The following RPL5 variants were observed in gnomAD, a reference collection of about 807,000 sequenced individuals.
The protein encoded by RPL5 is large ribosomal subunit protein uL18.
RPL5 carries 1 observed loss-of-function variant against 38.4 expected under a neutral mutation model. The ratio of observed to expected loss-of-function variants is 0.03; its 90% CI spans 0.01 to 0.12. RPL5 has a LOEUF of 0.12. Ranked by LOEUF, RPL5 falls within the 10% of genes least tolerant of loss-of-function variation. The probability of loss-of-function intolerance (pLI) is 1.00; values close to 1 mark genes in which losing one functional copy is unlikely to be tolerated. For synonymous variants in RPL5, 109 were observed against 121.2 expected, an observed-to-expected ratio of 0.90 and a Z score of 0.66; for missense variants, 243 against 374.1, an observed-to-expected ratio of 0.65 and a Z score of 2.89.
chr1:92,833,088 A>T, intron 1 of RPL5: 1 of 709,000 alleles, frequency 1.4e-6, no homozygotes, highest in Admixed American at 2.0e-5. Flanking sequence ...TGAAAGCAAT[A>T]TAACAATAAT....
In RPL5 at chr1:92,832,078, T is replaced by C. The variant is rs758851102; in HGVS notation, c.-37T>C. The C allele has an allele frequency of 3.1e-6, 5 of 1,613,822 alleles. No individual in the cohort carries two copies. In the Admixed American group the frequency reaches 8.3e-5, roughly 27 times the overall value. On this transcript the variant is annotated 5_prime_UTR_variant, in exon 1 of 8. Coordinates refer to ENST00000370321, the MANE Select transcript of RPL5 (RefSeq NM_000969.5). Reference sequence around the variant, plus strand: ...CCTAGCGCCGCTGGGCCTGCAGGTCTCTGTCGAGCAGCGGACGCCGGTCTC... The same window carrying C: ...CCTAGCGCCGCTGGGCCTGCAGGTCCCTGTCGAGCAGCGGACGCCGGTCTC...
intron 1 of RPL5, chr1:92,832,721 C>T (rs1185478234): frequency 1.5e-5 from 6 of 413,316 alleles, no homozygotes; most frequent in African/African-American, 6.1e-5. Context: ...TAGAGTCCGT[C>T]GCCGGATGAG....
At chr1:92,833,300 C>T in intron 1 of RPL5, 89 bp from the exon 2 acceptor site, 2 of 1,070,228 alleles carry the variant, frequency 1.9e-6, no homozygotes, top group Non-Finnish European at 2.9e-6. Flanking sequence ...TCTTGAAGTT[C>T]AAGTGTTACT....
In RPL5 at chr1:92,832,624, A is replaced by C. The variant is rs867346697; in HGVS notation, c.3+507A>C. Reference sequence around the variant, plus strand: ...GGCTGAGCAAGTGGCTTTTAAGCCAAAATTGTCAGTGGAGCTTGGAGGCCG... The same window carrying C: ...GGCTGAGCAAGTGGCTTTTAAGCCACAATTGTCAGTGGAGCTTGGAGGCCG... On this transcript the variant is annotated intron_variant, in intron 1 of 7. Transcript: ENST00000370321. The C allele has an allele frequency of 3.0e-5, 9 of 304,174 alleles. No homozygotes were observed. In the South Asian group the frequency reaches 3.3e-4, roughly 11 times the overall value. The allele number at this position is 304,174 out of a possible 1,614,324, so 18.8% of individuals were successfully genotyped here. A position where few individuals can be genotyped will look rare whatever the true frequency, so the allele number is the denominator to read the frequency against.
At chr1:92,832,813 G>A in intron 1 of RPL5, 1 of 582,242 alleles carries the variant, frequency 1.7e-6, no homozygotes, top group South Asian at 2.2e-5. Flanking sequence ...TTTAGTGGGG[G>A]AATTACTGCT....
rs1687050092 is a variant in RPL5, at chr1:92,834,774, T to C, written c.190-5T>C. ...ATTACTAACCTAGTTTCTCTCTTACTATAGATTGCTTATGCCCGTATAGAG... is the reference window on the plus strand; with the variant it reads ...ATTACTAACCTAGTTTCTCTCTTACCATAGATTGCTTATGCCCGTATAGAG... On this transcript the variant is annotated splice_region_variant and splice_polypyrimidine_tract_variant and intron_variant, in intron 3 of 7. Coordinates refer to ENST00000370321, the MANE Select transcript of RPL5 (RefSeq NM_000969.5). The C allele has an allele frequency of 6.2e-7, 1 of 1,612,864 alleles. No individual in the cohort carries two copies. Among genetic ancestry groups the C allele is most frequent in the Non-Finnish European group, 8.5e-7 (1 of 1,179,860 alleles).
rs1686992138 is a variant in RPL5, at chr1:92,833,436, A to G, written c.51A>G (p.Gln17=). 6.2e-7 allele frequency: 1 copy of G among 1,614,100 alleles called. No individual in the cohort carries two copies. Among genetic ancestry groups the G allele is most frequent in the East Asian group, 2.2e-5 (1 of 44,866 alleles). Residue 17 remains glutamine, a synonymous_variant, in exon 2 of 8, where the codon CAA becomes CAG. Coordinates refer to ENST00000370321, the MANE Select transcript of RPL5 (RefSeq NM_000969.5). Reference sequence around the variant, plus strand: ...ATAAGGCCTACTTTAAGAGATACCAAGTGAAATTTAGAAGACGACGAGGTA... The same window carrying G: ...ATAAGGCCTACTTTAAGAGATACCAGGTGAAATTTAGAAGACGACGAGGTA... ...VKNKAYFKRY[Q]VKFRRRREGK... is the part of the protein sequence containing the mutation.
chr1:92,837,755 T>G, intron 6 of RPL5, 122 bp downstream of exon 6: 1 of 782,378 alleles, frequency 1.3e-6, no homozygotes, highest in African/African-American at 1.7e-5. Context: ...GCTAGACTTG[T>G]CAACATTCTT....
chr1:92,838,493 C>T (rs1687210196), intron 6 of RPL5, among the ~76,000 whole-genome samples: 1 of 152,206 alleles, frequency 6.6e-6, no homozygotes, highest in Admixed American at 6.5e-5. Context: ...CCAGTTTGTG[C>T]TTTCAGATGT....
At chr1:92,841,707 TTAAA>T (rs1209169713) in intron 7 of RPL5, 55 bp from the exon 8 acceptor site, 1 of 1,050,776 alleles carries the variant, frequency 9.5e-7, no homozygotes, top group Non-Finnish European at 1.3e-6. Flanking sequence ...AAATTTTAAA[TTAAA>T]TATTCTATTC....
chr1:92,833,397 T>A lies in RPL5; in HGVS notation c.12T>A (p.Val4=). Residue 4 remains valine (V), a synonymous_variant, in exon 2 of 8, where the codon GTT becomes GTA. Coordinates refer to ENST00000370321, the MANE Select transcript of RPL5 (RefSeq NM_000969.5). ...ATTCTTTTTTCTTTAAGGGGTTTGT[T>A]AAAGTTGTTAAGAATAAGGCCTACT... is the stretch of plus-strand genomic sequence containing the variant. MGF[V]KVVKNKAYFK... is the part of the protein sequence containing the mutation. 3 of 1,612,726 alleles carry A rather than the reference T, an allele frequency of 1.9e-6. No individual in the cohort carries two copies. The highest frequency in any genetic ancestry group is 2.5e-6 in the Non-Finnish European group (3 of 1,178,770).
At chr1:92,836,476 T>A in intron 5 of RPL5, 84 bp downstream of exon 5, 1 of 1,251,120 alleles carries the variant, frequency 8.0e-7, no homozygotes, top group Non-Finnish European at 1.2e-6. Flanking sequence ...ATAACCGAAT[T>A]AAAGTAGCTA....
intron 6 of RPL5, among the ~76,000 whole-genome samples, chr1:92,838,774 A>G (rs1003533956): frequency 2.0e-5 from 3 of 152,232 alleles, no homozygotes; most frequent in Non-Finnish European, 4.4e-5. Flanking sequence ...AAGTCATCAA[A>G]TGGATTTGTT....
chr1:92,832,375 C>T (rs910188226), intron 1 of RPL5: 14 of 622,740 alleles, frequency 2.2e-5, no homozygotes, highest in African/African-American at 2.2e-4. Flanking sequence ...GTTTAGTAGA[C>T]AGCCTGAGTG....
rs200715037 is a variant in RPL5, at chr1:92,840,634, G to T, written c.789G>T (p.Lys263Asn). 8 of 1,606,996 alleles carry T rather than the reference G, an allele frequency of 5.0e-6. No individual in the cohort carries two copies. The highest frequency in any genetic ancestry group is 6.8e-6 in the Non-Finnish European group (8 of 1,178,942). The change falls in exon 7 of 8, where the codon AAG becomes AAT. Residue 263 changes from lysine to asparagine, a missense_variant. Physicochemically the swap from Lys to Asn is moderately conservative, Grantham distance 94 (BLOSUM62 0). Transcript: ENST00000370321. ...YEKKPKKEVKKKRWNRPKMSL... is the reference protein window; with the variant it reads ...YEKKPKKEVKNKRWNRPKMSL... ...AGAAGCCCAAGAAAGAAGTTAAAAA[G>T]AAGAGGTATGTCGTCTTTTTTTTTG...
rs760806812 is a variant in RPL5, at chr1:92,837,369, G to A, written c.528-87G>A. 3.7e-5 allele frequency: 42 copies of A among 1,121,804 alleles called. 1 individual carries two copies. The highest frequency in any genetic ancestry group is 2.6e-4 in the South Asian group (21 of 80,682). 69.5% of individuals were successfully genotyped at this position (1,121,804 alleles called of 1,614,324 possible). ...TATGATGCGATAATTGTTTCAAGAC[G>A]GGACTGATGGCAGCTACTAAAGTAA... On this transcript the variant is annotated intron_variant, in intron 5 of 7. Transcript: ENST00000370321.
At position 92,833,673 on chromosome 1, in the gene RPL5, C is replaced by T. The variant is rs1687005261; in HGVS notation, c.189+13C>T. The T allele has an allele frequency of 6.3e-7, 1 of 1,589,344 alleles. No homozygotes were observed. The highest frequency in any genetic ancestry group is 1.3e-5 in the African/African-American group (1 of 74,406). On this transcript the variant is annotated intron_variant, in intron 3 of 7. Coordinates refer to ENST00000370321, the MANE Select transcript of RPL5 (RefSeq NM_000969.5). ...TATCATTTGTCAGGTAAGTTGTATT[C>T]TAGACAGTCCCCTTTTTTTATTGCT...
In RPL5 at chr1:92,841,892, A is replaced by G; in HGVS notation, c.*27A>G. ...CCCAGCAATTTTCTATGATTTTTTC[A>G]GATATAGATAATAAACTTATGAACA... is the stretch of plus-strand genomic sequence containing the variant. On this transcript the variant is annotated 3_prime_UTR_variant, in exon 8 of 8. Transcript: ENST00000370321. 1 of 1,535,310 alleles carries G rather than the reference A, an allele frequency of 6.5e-7. No individual in the cohort carries two copies. The highest frequency in any genetic ancestry group is 1.1e-5 in the South Asian group (1 of 89,066).
chr1:92,838,844 C>G (rs763745777), intron 6 of RPL5, among the ~76,000 whole-genome samples: 1 of 152,138 alleles, frequency 6.6e-6, no homozygotes, highest in Non-Finnish European at 1.5e-5. Context: ...AATTAACTTT[C>G]AAAATGGGTA....
Sources: allele counts gnomAD v4.1 joint callset (sites outside exome capture counted in the v4.1 genomes callset), GRCh38; gene constraint gnomAD v4.1.1; transcripts MANE v1.5; gene names NCBI Gene and HGNC (gene_info 2026-07-23, HGNC 2026-07-21).